The following TADA3 variants were observed in gnomAD, a reference collection of about 807,000 sequenced individuals.
TADA3 encodes the protein transcriptional adaptor 3, also known as transcriptional adapter 3.
A neutral mutation model predicts 43.2 loss-of-function variants in TADA3; 25 were observed. That is an observed-to-expected ratio of 0.58 (90% confidence interval 0.42 to 0.81). TADA3 has a LOEUF of 0.81. TADA3 is among the 30% of genes least tolerant of loss of function. The probability of loss-of-function intolerance (pLI) is 0.00; values close to 1 mark genes in which losing one functional copy is unlikely to be tolerated. For missense variants in TADA3, 441 were observed against 567.8 expected (o/e 0.78, Z 2.27); for synonymous variants, 235 against 225.5 (o/e 1.04, Z -0.38).
chr3:9,780,161 C>A lies in TADA3; in HGVS notation c.*196G>T. ...GACCAAGCAGAGACTAGGCCTCAGG[C>A]TAGCCCAGCAGGGCTTCCTGTGTCC... On this transcript the variant is annotated 3_prime_UTR_variant, in exon 9 of 9. Transcript: ENST00000301964. 1 of 529,586 alleles carries A rather than the reference C, an allele frequency of 1.9e-6. No homozygotes were observed. Among genetic ancestry groups the A allele is most frequent in the Non-Finnish European group, 3.3e-6 (1 of 304,578 alleles). The allele number at this position is 529,586 out of a possible 1,614,324, so 32.8% of individuals were successfully genotyped here. A position where few individuals can be genotyped will look rare whatever the true frequency, so the allele number is the denominator to read the frequency against.
intron 1 of TADA3, 54 bp from the exon 2 acceptor site, chr3:9,791,547 G>A: frequency 8.8e-6 from 10 of 1,136,478 alleles, no homozygotes; most frequent in Non-Finnish European, 1.2e-5. Flanking sequence ...AAAAGCCCAA[G>A]GGCTTCTTAC....
chr3:9,781,831 T>G (rs1160568404), intron 8 of TADA3, among the ~76,000 whole-genome samples: 1 of 136,364 alleles, frequency 7.3e-6, no homozygotes, highest in East Asian at 2.3e-4. Flanking sequence ...TGCCCATTAC[T>G]TCTTTTTTTT....
chr3:9,781,838 T>C (rs922854662), intron 8 of TADA3, among the ~76,000 whole-genome samples: 2 of 135,298 alleles, frequency 1.5e-5, no homozygotes, highest in African/African-American at 5.5e-5. Context: ...TACTTCTTTT[T>C]TTTTTTTTTT....
rs1013221605 is a variant in TADA3 at position 9,780,136 on chromosome 3, G to A, written c.*221C>T. ...AAGTCCCCTCCAACCCCATCTCGGG[G>A]ACCAAGCAGAGACTAGGCCTCAGGC... is the stretch of plus-strand genomic sequence containing the variant. On this transcript the variant is annotated 3_prime_UTR_variant, in exon 9 of 9. Coordinates refer to ENST00000301964, the MANE Select transcript of TADA3 (RefSeq NM_006354.5). The A allele has an allele frequency of 2.2e-6, 1 of 452,282 alleles. No individual in the cohort carries two copies. The highest frequency in any genetic ancestry group is 3.9e-5 in the Admixed American group (1 of 25,750). 28.0% of individuals were successfully genotyped at this position (452,282 alleles called of 1,614,324 possible).
rs202136274 is a variant in TADA3 at position 9,789,748 on chromosome 3, G to A, written c.423C>T (p.Asp141=). The A allele has an allele frequency of 1.2e-4, 191 of 1,614,038 alleles. 1 individual carries two copies. Among genetic ancestry groups the A allele is most frequent in the Non-Finnish European group, 1.4e-4 (167 of 1,179,976 alleles). The change falls in exon 3 of 9, where the codon GAC becomes GAT. Residue 141 remains aspartate, a synonymous_variant. Transcript: ENST00000301964. ...QEYEFTDDPI[D]VPRIPKNDAP... is the part of the protein sequence containing the mutation. Reference sequence around the variant, plus strand: ...CATCATTTTTGGGGATCCGTGGCACGTCGATAGGGTCATCAGTGAATTCAT... The same window carrying A: ...CATCATTTTTGGGGATCCGTGGCACATCGATAGGGTCATCAGTGAATTCAT...
intron 4 of TADA3, among the ~76,000 whole-genome samples, chr3:9,788,662 C>T (rs1236161775): frequency 6.6e-6 from 1 of 151,924 alleles, no homozygotes; most frequent in East Asian, 1.9e-4. Flanking sequence ...GGCTCAGCCT[C>T]CCGAGTAGCC....
At chr3:9,783,948 G>A in intron 8 of TADA3, 80 bp downstream of exon 8, 22 of 1,482,976 alleles carry the variant, frequency 1.5e-5, no homozygotes, top group Non-Finnish European at 1.8e-5. Context: ...AAAGCCTGTT[G>A]TAAAACCCCT....
intron 4 of TADA3, among the ~76,000 whole-genome samples, chr3:9,788,981 G>A (rs563431711): frequency 6.6e-6 from 1 of 151,870 alleles, no homozygotes; most frequent in Non-Finnish European, 1.5e-5. Context: ...GACTACAGGC[G>A]CACACCGCCA....
In TADA3 at chr3:9,787,129, G is replaced by T. The variant is rs747526149; in HGVS notation, c.707-20C>A. 1.2e-6 allele frequency: 2 copies of T among 1,614,192 alleles called. No homozygotes were observed. Among genetic ancestry groups the T allele is most frequent in the African/African-American group, 2.7e-5 (2 of 75,038 alleles). On this transcript the variant is annotated intron_variant, in intron 5 of 8. Coordinates refer to ENST00000301964, the MANE Select transcript of TADA3 (RefSeq NM_006354.5). ...CCACATCTAAGCGGGCACAGGAAAGGAGGGGAGGTGGGCTGAAGTTCTGGA... is the reference window on the plus strand; with the variant it reads ...CCACATCTAAGCGGGCACAGGAAAGTAGGGGAGGTGGGCTGAAGTTCTGGA...
chr3:9,780,996 G>A (rs1173909436), intron 8 of TADA3, among the ~76,000 whole-genome samples: 2 of 151,946 alleles, frequency 1.3e-5, no homozygotes, highest in African/African-American at 4.8e-5. Context: ...AAATTAGCTG[G>A]GTGTGGTAGT....
intron 2 of TADA3, among the ~76,000 whole-genome samples, chr3:9,790,927 T>C (rs2078714442): frequency 6.6e-6 from 1 of 152,198 alleles, no homozygotes; most frequent in Non-Finnish European, 1.5e-5. Context: ...TCACCTGGTA[T>C]GTACTTGACT....
chr3:9,790,207 T>C (rs777797540), intron 2 of TADA3, among the ~76,000 whole-genome samples: 6 of 152,192 alleles, frequency 3.9e-5, no homozygotes, highest in Non-Finnish European at 7.3e-5. Flanking sequence ...CTGATTCACT[T>C]CTGTATCACC....
chr3:9,786,480 G>A (rs970342853), intron 6 of TADA3, among the ~76,000 whole-genome samples: 1 of 151,732 alleles, frequency 6.6e-6, no homozygotes, highest in African/African-American at 2.4e-5. Context: ...GTGTGTCTAA[G>A]GTCAACCAGC....
At chr3:9,785,821 T>C (rs1469106812) in intron 6 of TADA3, among the ~76,000 whole-genome samples, 1 of 152,194 alleles carries the variant, frequency 6.6e-6, no homozygotes, top group East Asian at 1.9e-4. Flanking sequence ...CCAGGCTCTC[T>C]TGCAGGCGGG....
intron 7 of TADA3, among the ~76,000 whole-genome samples, chr3:9,784,503 A>G (rs577227537): frequency 6.6e-6 from 1 of 152,270 alleles, no homozygotes; most frequent in African/African-American, 2.4e-5. Flanking sequence ...AGATTTTGTT[A>G]TATATTATTC....
chr3:9,792,413 C>T lies in TADA3; in HGVS notation c.-225G>A, dbSNP rs986073763. On this transcript the variant is annotated 5_prime_UTR_variant, in exon 1 of 9. Coordinates refer to ENST00000301964, the MANE Select transcript of TADA3 (RefSeq NM_006354.5). ...ACCTCCTCGCTGCGGCCTCCTACGG[C>T]CCCAGGGGCCGCGGGAGGGGGCGGG... is the stretch of plus-strand genomic sequence containing the variant. 4 of 992,952 alleles carry T rather than the reference C, an allele frequency of 4.0e-6. No homozygotes were observed. Among genetic ancestry groups the T allele is most frequent in the Admixed American group, 1.1e-4 (2 of 18,944 alleles). 61.5% of individuals were successfully genotyped at this position (992,952 alleles called of 1,614,324 possible).
chr3:9,788,074 G>C (rs767225571), intron 4 of TADA3: 1 of 240,648 alleles, frequency 4.2e-6, no homozygotes, highest in Non-Finnish European at 8.4e-6. Flanking sequence ...GCGTGGACTT[G>C]ATCCTGTAGA....
At chr3:9,781,924 T>C (rs537879812) in intron 8 of TADA3, among the ~76,000 whole-genome samples, 3 of 142,534 alleles carry the variant, frequency 2.1e-5, no homozygotes, top group South Asian at 2.4e-4. Context: ...CTGCAGCCTC[T>C]ACCTCCCAGG....
Position 9,788,005 on chromosome 3 carries a change from G to A in TADA3, c.565-665C>T. 3 of 303,934 alleles carry A rather than the reference G, an allele frequency of 9.9e-6. No individual in the cohort carries two copies. In the East Asian group the frequency reaches 2.5e-4, roughly 25 times the overall value. 18.8% of individuals were successfully genotyped at this position (303,934 alleles called of 1,614,324 possible). On this transcript the variant is annotated intron_variant, in intron 4 of 8. Coordinates refer to ENST00000301964, the MANE Select transcript of TADA3 (RefSeq NM_006354.5). The stretch of plus-strand genomic sequence containing the variant: ...GGACTGGTCAACACGGCAATGAAGA[G>A]GGATATGGCCGAGGAAAATGGAGAG...
Sources: allele counts gnomAD v4.1 joint callset (sites outside exome capture counted in the v4.1 genomes callset), GRCh38; gene constraint gnomAD v4.1.1; transcripts MANE v1.5; gene names NCBI Gene and HGNC (gene_info 2026-07-23, HGNC 2026-07-21).